MR1: variants seen among roughly 807,000 people sequenced by gnomAD.
The protein encoded by MR1 is major histocompatibility complex class I-related protein 1.
Under a neutral mutation model 37.8 loss-of-function variants are expected in MR1, and 44 were observed. The ratio of observed to expected loss-of-function variants is 1.16; its 90% CI spans 0.91 to 1.50. The LOEUF (loss-of-function observed/expected upper bound fraction) is 1.50, where lower values mean the gene tolerates loss of function less well. Ranked by LOEUF, MR1 falls within the 40% of genes most tolerant of loss-of-function variation. The probability of loss-of-function intolerance (pLI) is 0.00; values close to 1 mark genes in which losing one functional copy is unlikely to be tolerated. For missense variants in MR1, 386 were observed against 419.1 expected, an observed-to-expected ratio of 0.92 and a Z score of 0.69; for synonymous variants, 153 against 155.8, an observed-to-expected ratio of 0.98 and a Z score of 0.13.
At chr1:181,054,454 A>G (rs752213222) in intron 5 of MR1, among the ~76,000 whole-genome samples, 1 of 152,228 alleles carries the variant, frequency 6.6e-6, no homozygotes, top group Non-Finnish European at 1.5e-5. Context: ...GTGGACCAGA[A>G]GTTTGGTTTT....
chr1:181,042,947 A>G (rs2102373030), intron 1 of MR1, among the ~76,000 whole-genome samples: 1 of 152,338 alleles, frequency 6.6e-6, no homozygotes, highest in East Asian at 1.9e-4. Flanking sequence ...TCCCTGTGCT[A>G]AGCTTTGCAG....
At chr1:181,039,356 G>A (rs755746459) in intron 1 of MR1, among the ~76,000 whole-genome samples, 17 of 152,076 alleles carry the variant, frequency 1.1e-4, no homozygotes, top group Admixed American at 3.9e-4. Context: ...ATGGGACCAC[G>A]GTCTCTCTTC....
intron 3 of MR1, chr1:181,051,420 G>C (rs949325865): frequency 6.6e-6 from 1 of 152,152 alleles, no homozygotes; most frequent in African/African-American, 2.4e-5. Flanking sequence ...CCTCGGTAAA[G>C]AGACAAGGAA....
Position 181,059,539 on chromosome 1 carries a change from C to A in MR1, c.*4274C>A, listed in dbSNP as rs914919562. On this transcript the variant is annotated 3_prime_UTR_variant, in exon 6 of 6. Transcript: ENST00000367580. ...GTGGCTGGAACAGAAATGGGGCAGC[C>A]AGGGGTGGTGGCCAGGCATCAGCTA... 3.9e-5 allele frequency: 6 copies of A among 152,332 alleles called. No homozygotes were observed. Among genetic ancestry groups the A allele is most frequent in the African/African-American group, 1.4e-4 (6 of 41,430 alleles). The allele number at this position is 152,332 out of a possible 1,614,324, so 9.4% of individuals were successfully genotyped here. A position where few individuals can be genotyped will look rare whatever the true frequency, so the allele number is the denominator to read the frequency against.
At chr1:181,052,592 G>A (rs906173254) in intron 4 of MR1, 82 bp downstream of exon 4, 1 of 1,458,122 alleles carries the variant, frequency 6.9e-7, no homozygotes, top group Non-Finnish European at 9.4e-7. Flanking sequence ...GCCAGGGAGG[G>A]GAGGATAGAT....
intron 4 of MR1, 90 bp from the exon 5 acceptor site, chr1:181,053,483 T>G: frequency 1.1e-6 from 1 of 914,816 alleles, no homozygotes; most frequent in Non-Finnish European, 1.8e-6. Flanking sequence ...GGTGTTGGGT[T>G]TCCTGATGAT....
chr1:181,056,433 C>G lies in MR1; in HGVS notation c.*1168C>G, dbSNP rs1220668373. On this transcript the variant is annotated 3_prime_UTR_variant, in exon 6 of 6. Coordinates refer to ENST00000367580, the MANE Select transcript of MR1 (RefSeq NM_001385161.1). ...GTATATTTGGTGTCAGGAGAGGGCT[C>G]AATTCTCATTTCTGCCTTTCCTGTG... 2 of 151,798 alleles carry G rather than the reference C, an allele frequency of 1.3e-5. No individual in the cohort carries two copies. Among genetic ancestry groups the G allele is most frequent in the African/African-American group, 2.4e-5 (1 of 41,326 alleles). 9.4% of individuals were successfully genotyped at this position (151,798 alleles called of 1,614,324 possible). A position where few individuals can be genotyped will look rare whatever the true frequency, so the allele number is the denominator to read the frequency against.
Position 181,055,307 on chromosome 1 carries a change from A to G in MR1, c.*42A>G, listed in dbSNP as rs1449579439. On this transcript the variant is annotated 3_prime_UTR_variant, in exon 6 of 6. Coordinates refer to ENST00000367580, the MANE Select transcript of MR1 (RefSeq NM_001385161.1). ...TCCAGTTCTCCTTCCTCTAGGAGCC[A>G]TGTTATCCTCTGTCCCCCATAGAGT... 6.4e-7 allele frequency: 1 copy of G among 1,561,682 alleles called. No individual in the cohort carries two copies. The highest frequency in any genetic ancestry group is 8.8e-7 in the Non-Finnish European group (1 of 1,132,932).
At chr1:181,034,902 G>T (rs1477174682) in intron 1 of MR1, among the ~76,000 whole-genome samples, 1 of 152,182 alleles carries the variant, frequency 6.6e-6, no homozygotes, top group Non-Finnish European at 1.5e-5. Context: ...TACAATGTGT[G>T]TTACTTGGGT....
chr1:181,055,090 T>C (rs1426717920), intron 5 of MR1, 135 bp from the exon 6 acceptor site: 3 of 758,582 alleles, frequency 4.0e-6, no homozygotes, highest in Non-Finnish European at 4.6e-6. Flanking sequence ...GTTTGTCAAG[T>C]ACTAAGAGAA....
chr1:181,055,273 TC>T lies in MR1; in HGVS notation c.*11del. The T allele has an allele frequency of 6.2e-7, 1 of 1,610,698 alleles. No individual in the cohort carries two copies. The highest frequency in any genetic ancestry group is 8.5e-7 in the Non-Finnish European group (1 of 1,176,980). ...CCAACACCAGATCGATGATTGCAGATCCCTCTTTTCCAGTTCTCCTTCCTCT... is the reference window on the plus strand; with the variant it reads ...CCAACACCAGATCGATGATTGCAGATCCTCTTTTCCAGTTCTCCTTCCTCT... On this transcript the variant is annotated 3_prime_UTR_variant, in exon 6 of 6. Coordinates refer to ENST00000367580, the MANE Select transcript of MR1 (RefSeq NM_001385161.1).
chr1:181,050,111 C>G lies in MR1; in HGVS notation c.429C>G (p.Ile143Met). Residue 143 changes from isoleucine to methionine, a missense_variant, in exon 3 of 6, where the codon ATC becomes ATG. Transcript: ENST00000367580. ...QYAYDGQDFL[I>M]FNKDTLSWLA... The stretch of plus-strand genomic sequence containing the variant: ...CATATGACGGGCAGGATTTCCTGAT[C>G]TTCAATAAAGACACCCTCTCCTGGC... 6.2e-7 allele frequency: 1 copy of G among 1,614,212 alleles called. No individual in the cohort carries two copies. The highest frequency in any genetic ancestry group is 8.5e-7 in the Non-Finnish European group (1 of 1,180,038).
rs1658775153 is a variant in MR1, at chr1:181,058,978, T to C, written c.*3713T>C. 1 of 152,256 alleles carries C rather than the reference T, an allele frequency of 6.6e-6. No homozygotes were observed. Among genetic ancestry groups the C allele is most frequent in the South Asian group, 2.1e-4 (1 of 4,836 alleles). 9.4% of individuals were successfully genotyped at this position (152,256 alleles called of 1,614,324 possible). On this transcript the variant is annotated 3_prime_UTR_variant, in exon 6 of 6. Transcript: ENST00000367580. The stretch of plus-strand genomic sequence containing the variant: ...AGAATTGGTGCAAGGGGACACATTC[T>C]TGCTTGTTAGCACCTGCTCTCTGGA...
At chr1:181,039,114 C>G (rs1424264705) in intron 1 of MR1, among the ~76,000 whole-genome samples, 1 of 152,204 alleles carries the variant, frequency 6.6e-6, no homozygotes, top group African/African-American at 2.4e-5. Flanking sequence ...CTCTCTGCAC[C>G]TATTTTCTAT....
chr1:181,044,013 G>T (rs1657717947), intron 1 of MR1, among the ~76,000 whole-genome samples: 1 of 143,278 alleles, frequency 7.0e-6, no homozygotes, highest in East Asian at 2.0e-4. Flanking sequence ...GCCCAGGCTG[G>T]AGTGCAGTGG....
chr1:181,033,775 G>T (rs986012916), upstream of MR1: 1 of 423,690 alleles, frequency 2.4e-6, no homozygotes, highest in Non-Finnish European at 4.2e-6. Context: ...ATTGGGAATA[G>T]GGTGAAGATA....
intron 1 of MR1, among the ~76,000 whole-genome samples, chr1:181,042,200 A>ATTTTTT (rs373949499): frequency 7.5e-6 from 1 of 134,124 alleles, no homozygotes; most frequent in Non-Finnish European, 1.6e-5. Flanking sequence ...ATCAAAGATA[A>ATTTTTT]TTTTTTTTTT....
At chr1:181,039,910 G>T (rs1370814542) in intron 1 of MR1, among the ~76,000 whole-genome samples, 1 of 151,356 alleles carries the variant, frequency 6.6e-6, no homozygotes, top group Non-Finnish European at 1.5e-5. Flanking sequence ...TTGCCCTCAT[G>T]GATGAAGTGA....
At chr1:181,040,541 A>G (rs767499342) in intron 1 of MR1, among the ~76,000 whole-genome samples, 78 of 152,164 alleles carry the variant, frequency 5.1e-4, no homozygotes, top group Non-Finnish European at 5.9e-4. Flanking sequence ...CTAAGGAGCA[A>G]GCATGACTTG....
Sources: gnomAD v4.1 joint callset for allele counts (sites outside exome capture counted in the v4.1 genomes callset) on GRCh38, gnomAD v4.1.1 for gene constraint, MANE v1.5 for transcripts, NCBI Gene and HGNC (gene_info 2026-07-23, HGNC 2026-07-21) for gene names.